The following JAKMIP2 variants were observed in gnomAD, a reference collection of about 807,000 sequenced individuals.
JAKMIP2 encodes the protein janus kinase and microtubule interacting protein 2.
JAKMIP2 carries 25 observed loss-of-function variants against 115.0 expected under a neutral mutation model. The ratio of observed to expected loss-of-function variants is 0.22; its 90% CI spans 0.16 to 0.30. The LOEUF (loss-of-function observed/expected upper bound fraction) is 0.30. JAKMIP2 is among the 10% of genes least tolerant of loss of function. JAKMIP2 has a pLI of 1.00. For missense variants in JAKMIP2, 642 were observed against 957.6 expected (o/e 0.67, Z 4.35); for synonymous variants, 334 against 343.6 (o/e 0.97, Z 0.31).
intron 1 of JAKMIP2, among the ~76,000 whole-genome samples, chr5:147,724,716 C>T (rs906325730): frequency 6.6e-6 from 1 of 152,162 alleles, no homozygotes; most frequent in East Asian, 1.9e-4. Flanking sequence ...ACTGTACCCA[C>T]CCTATCTTCC....
chr5:147,639,079 G>A (rs1192341890), intron 10 of JAKMIP2, among the ~76,000 whole-genome samples: 1 of 152,190 alleles, frequency 6.6e-6, no homozygotes, highest in Non-Finnish European at 1.5e-5. Context: ...GACCCAGTAA[G>A]ACTTAAGTTG....
intron 21 of JAKMIP2, chr5:147,594,589 C>G (rs1219722465): frequency 6.4e-6 from 2 of 310,808 alleles, no homozygotes; most frequent in East Asian, 1.7e-4. Context: ...CTGCCTCAGC[C>G]TCTCAAAATG....
chr5:147,648,942 T>G (rs1758261487), intron 4 of JAKMIP2, among the ~76,000 whole-genome samples: 1 of 152,196 alleles, frequency 6.6e-6, no homozygotes, highest in African/African-American at 2.4e-5. Flanking sequence ...AATTCCTTCA[T>G]ACTCCTGAAG....
chr5:147,736,179 G>A (rs1753914687), intron 1 of JAKMIP2, among the ~76,000 whole-genome samples: 1 of 152,020 alleles, frequency 6.6e-6, no homozygotes, highest in Non-Finnish European at 1.5e-5. Flanking sequence ...TTGGGGGCCG[G>A]GCACAGTGGC....
chr5:147,702,587 AGAAAGAAAGAAAGAAG>A (rs1226748009), intron 1 of JAKMIP2, among the ~76,000 whole-genome samples: 2 of 126,078 alleles, frequency 1.6e-5, no homozygotes, highest in South Asian at 2.7e-4. Context: ...AAGGAAAGAA[AGAAAGAAAGAAAGAAG>A]GAAAGAAAGA....
intron 20 of JAKMIP2, among the ~76,000 whole-genome samples, chr5:147,607,383 A>C (rs577561777): frequency 5.3e-5 from 8 of 152,292 alleles, no homozygotes; most frequent in African/African-American, 1.9e-4. Context: ...TTTAGCATGA[A>C]TGGGTGTTGA....
At chr5:147,611,856 C>A (rs1352545813) in intron 20 of JAKMIP2, among the ~76,000 whole-genome samples, 1 of 152,106 alleles carries the variant, frequency 6.6e-6, no homozygotes, top group Non-Finnish European at 1.5e-5. Flanking sequence ...GACAGGACAA[C>A]ATGATTATCA....
chr5:147,685,884 T>C (rs1488097485), intron 1 of JAKMIP2, among the ~76,000 whole-genome samples: 1 of 152,194 alleles, frequency 6.6e-6, no homozygotes, highest in East Asian at 1.9e-4. Flanking sequence ...TATAATTGTA[T>C]AGCTTCTATA....
chr5:147,624,609 T>C (rs1328679140), intron 16 of JAKMIP2, among the ~76,000 whole-genome samples: 1 of 152,216 alleles, frequency 6.6e-6, no homozygotes, highest in Non-Finnish European at 1.5e-5. Context: ...GATATTTATG[T>C]TAGCATTGAT....
rs904142512 is a variant in JAKMIP2 at position 147,586,085 on chromosome 5, T to C, written c.*5622A>G. The C allele has an allele frequency of 3.3e-5, 5 of 151,642 alleles. No individual in the cohort carries two copies. The highest frequency in any genetic ancestry group is 1.2e-4 in the African/African-American group (5 of 41,148). The allele number at this position is 151,642 out of a possible 1,614,324, so 9.4% of individuals were successfully genotyped here. A position where few individuals can be genotyped will look rare whatever the true frequency, so the allele number is the denominator to read the frequency against. On this transcript the variant is annotated 3_prime_UTR_variant, in exon 22 of 22. Transcript: ENST00000616793. Reference sequence around the variant, plus strand: ...TGCCTCAGTCAACAATTGGAAATAATAGTAGTGAACAGAAGGTGGGGTAAG... The same window carrying C: ...TGCCTCAGTCAACAATTGGAAATAACAGTAGTGAACAGAAGGTGGGGTAAG...
rs1755638870 is a variant in JAKMIP2 at position 147,778,310 on chromosome 5, GT to G, written c.-149+4145del. Among the ~76,000 whole-genome samples the G allele has an allele frequency of 2.0e-5, 3 of 151,488 alleles. No homozygotes were observed. In the South Asian group the frequency reaches 6.2e-4, roughly 31 times the overall value. On this transcript the variant is annotated intron_variant, in intron 1 of 21. Transcript: ENST00000616793. ...TTTTGTTTTGTTTTGCTTTGTTTTT[GT>G]TTTTTGTTTTTTTGCCTGATACCCT...
At chr5:147,763,713 C>G (rs1008317493) in intron 1 of JAKMIP2, among the ~76,000 whole-genome samples, 5 of 152,030 alleles carry the variant, frequency 3.3e-5, no homozygotes, top group African/African-American at 1.2e-4. Flanking sequence ...TCCTGGTAAA[C>G]AGGAGTAGTT....
intron 1 of JAKMIP2, among the ~76,000 whole-genome samples, chr5:147,714,722 G>A (rs2126920672): frequency 6.6e-6 from 1 of 152,314 alleles, no homozygotes; most frequent in Non-Finnish European, 1.5e-5. Context: ...CAGTTACACT[G>A]AGAGCTGACT....
intron 9 of JAKMIP2, among the ~76,000 whole-genome samples, 161 bp downstream of exon 9, chr5:147,640,543 T>A (rs1226748588): frequency 6.6e-6 from 1 of 152,228 alleles, no homozygotes; most frequent in Non-Finnish European, 1.5e-5. Context: ...GAAGCTATTT[T>A]TCAAGAGATA....
Position 147,742,155 on chromosome 5 carries a change from A to ATATATATATATATATATATTTTTTTTT in JAKMIP2, c.-149+40300_-149+40301insAAAAAAAAATATATATATATATATATA. 3.7e-5 allele frequency among the ~76,000 whole-genome samples: 4 copies of ATATATATATATATATATATTTTTTTTT among 108,882 alleles called. No individual in the cohort carries two copies. In the East Asian group the frequency reaches 9.8e-4, roughly 27 times the overall value. The allele number at this position is 108,882 out of a possible 152,430, so 71.4% of individuals were successfully genotyped here. On this transcript the variant is annotated intron_variant, in intron 1 of 21. Transcript: ENST00000616793. ...TGTGGATCATTATATATATATATAT[A>ATATATATATATATATATATTTTTTTTT]TTTTTTTTACTATTGTATTGTATCT...
intron 20 of JAKMIP2, among the ~76,000 whole-genome samples, chr5:147,608,651 T>C (rs920350361): frequency 6.6e-6 from 1 of 152,182 alleles, no homozygotes; most frequent in African/African-American, 2.4e-5. Context: ...GTATGTTCTG[T>C]TGATTTGGGG....
intron 2 of JAKMIP2, chr5:147,661,710 A>G: frequency 2.5e-6 from 1 of 403,880 alleles, no homozygotes; most frequent in Non-Finnish European, 4.4e-6. Context: ...TGTGGTCTGC[A>G]GACAAGCAGC....
chr5:147,767,026 T>C (rs1373008313), intron 1 of JAKMIP2, among the ~76,000 whole-genome samples: 1 of 152,082 alleles, frequency 6.6e-6, no homozygotes, highest in Non-Finnish European at 1.5e-5. Context: ...GCCTTAAGGA[T>C]GCAGTATCTG....
chr5:147,622,195 C>T (rs1301735503), intron 17 of JAKMIP2, among the ~76,000 whole-genome samples: 1 of 152,206 alleles, frequency 6.6e-6, no homozygotes, highest in Non-Finnish European at 1.5e-5. Flanking sequence ...CTATGCATTG[C>T]TGTAAGTTAA....
Sources: allele counts gnomAD v4.1 joint callset (sites outside exome capture counted in the v4.1 genomes callset), GRCh38; gene constraint gnomAD v4.1.1; transcripts MANE v1.5; gene names NCBI Gene and HGNC (gene_info 2026-07-23, HGNC 2026-07-21).